The following DENND4A variants were observed in gnomAD, a reference collection of about 807,000 sequenced individuals.
DENND4A encodes the protein C-myc promoter-binding protein.
A neutral mutation model predicts 199.3 loss-of-function variants in DENND4A; 70 were observed. That is an observed-to-expected ratio of 0.35 (90% CI 0.29 to 0.43). The LOEUF is 0.43. Among genes scored for constraint, DENND4A ranks in the 20% least tolerant of loss-of-function variants. The probability of loss-of-function intolerance (pLI) is 1.00; values close to 1 mark genes in which losing one functional copy is unlikely to be tolerated. For synonymous variants in DENND4A, 686 were observed against 766.9 expected, an observed-to-expected ratio of 0.89 and a Z score of 1.74; for missense variants, 1,723 against 2,255.8, an observed-to-expected ratio of 0.76 and a Z score of 4.78.
intron 15 of DENND4A, among the ~76,000 whole-genome samples, chr15:65,703,540 T>TGGGTTCA (rs937508579): frequency 1.3e-5 from 2 of 152,206 alleles, no homozygotes; most frequent in African/African-American, 4.8e-5. Flanking sequence ...GGTTAGCTAG[T>TGGGTTCA]GGGTTCAGGG....
At position 65,671,874 on chromosome 15, in the gene DENND4A, T is replaced by G. The variant is rs1566987950; in HGVS notation, c.4382A>C (p.Lys1461Thr). ...TTCTGATTTCCCAGGTAAGGCAAAC[T>G]TCGACAGAGATCCTGTTCATTAGTG... ...SSASLEGSLS[K>T]FALPGKSEVT... Residue 1461 changes from lysine to threonine, a missense_variant, in exon 25 of 33, where the codon AAG (lysine) becomes ACG (threonine). This residue lies in a region of DENND4A where 650 missense variants were observed against 738.1 expected (regional missense o/e 0.88). Coordinates refer to ENST00000443035, the MANE Select transcript of DENND4A (RefSeq NM_001320835.1). 1.2e-6 allele frequency: 2 copies of G among 1,603,464 alleles called. No individual in the cohort carries two copies. Among genetic ancestry groups the G allele is most frequent in the Non-Finnish European group, 1.7e-6 (2 of 1,170,380 alleles).
chr15:65,663,729 A>G (rs1052148706), intron 32 of DENND4A, among the ~76,000 whole-genome samples: 1 of 151,996 alleles, frequency 6.6e-6, no homozygotes, highest in Non-Finnish European at 1.5e-5. Flanking sequence ...GGCTCACTGC[A>G]GCCTCGACTG....
chr15:65,674,142 G>A (rs146259870), intron 24 of DENND4A, among the ~76,000 whole-genome samples: 2 of 152,072 alleles, frequency 1.3e-5, no homozygotes, highest in East Asian at 3.9e-4. Context: ...GGACCCCAAT[G>A]TGAAAAAACC....
intron 23 of DENND4A, among the ~76,000 whole-genome samples, chr15:65,679,593 C>A (rs2141967056): frequency 6.6e-6 from 1 of 151,852 alleles, no homozygotes; most frequent in African/African-American, 2.4e-5. Context: ...GACAGTGGCA[C>A]AATCACGGCT....
chr15:65,670,161 T>C lies in DENND4A; in HGVS notation c.4492A>G (p.Arg1498Gly). The C allele has an allele frequency of 6.4e-7, 1 of 1,553,582 alleles. No homozygotes were observed. Among genetic ancestry groups the C allele is most frequent in the Non-Finnish European group, 8.7e-7 (1 of 1,149,852 alleles). Residue 1498 changes from arginine (R) to glycine (G), a missense_variant, in exon 26 of 33, where the codon AGA becomes GGA. Coordinates refer to ENST00000443035, the MANE Select transcript of DENND4A (RefSeq NM_001320835.1). ...TCATGGACAAGACAATCACAAGTTCTACACCGAGAGCAACTTGAGATGAGA... is the reference window on the plus strand; with the variant it reads ...TCATGGACAAGACAATCACAAGTTCCACACCGAGAGCAACTTGAGATGAGA... ...EVLISSCSRC[R>G]TCDCLVHDEE...
intron 24 of DENND4A, among the ~76,000 whole-genome samples, chr15:65,672,784 C>T (rs1223339683): frequency 6.6e-6 from 1 of 151,994 alleles, no homozygotes; most frequent in Admixed American, 6.6e-5. Flanking sequence ...TGTATCTTGT[C>T]AGTAAAACTG....
At chr15:65,742,135 C>T (rs2076275921) in intron 4 of DENND4A, among the ~76,000 whole-genome samples, 1 of 152,178 alleles carries the variant, frequency 6.6e-6, no homozygotes. Flanking sequence ...TTTGACTCCA[C>T]AATCTGTTTC....
At position 65,731,698 on chromosome 15, in the gene DENND4A, T is replaced by C. The variant is rs1427384896; in HGVS notation, c.1110A>G (p.Leu370=). 1 of 1,551,698 alleles carries C rather than the reference T, an allele frequency of 6.4e-7. No homozygotes were observed. The highest frequency in any genetic ancestry group is 8.7e-7 in the Non-Finnish European group (1 of 1,146,542). ...TGAGAATCAGATTATCATGTGGTGA[T>C]AACTGGAAGAAGATTTAAAATAAAG... The part of the protein sequence containing the change: ...SPQRPRILVQ[L]SPHDNLILSQ... Residue 370 remains leucine (L), a splice_region_variant and synonymous_variant, in exon 9 of 33, where the codon TTA becomes TTG. Transcript: ENST00000443035.
chr15:65,686,467 C>T (rs1205425219), intron 23 of DENND4A, among the ~76,000 whole-genome samples: 1 of 152,206 alleles, frequency 6.6e-6, no homozygotes, highest in Non-Finnish European at 1.5e-5. Context: ...AGATTTAGAA[C>T]TCCCCTTAAT....
At chr15:65,781,214 G>A (rs74021828) in intron 1 of DENND4A, among the ~76,000 whole-genome samples, 140 of 152,252 alleles carry the variant, frequency 9.2e-4, no homozygotes, top group African/African-American at 3.3e-3. Context: ...GAGTTGGAGT[G>A]GAAAGTAGAA....
intron 4 of DENND4A, among the ~76,000 whole-genome samples, chr15:65,746,380 T>C (rs1490603751): frequency 6.3e-5 from 7 of 111,552 alleles, no homozygotes; most frequent in East Asian, 2.6e-4. Flanking sequence ...TTTTTTTTTT[T>C]TTTTTTTTTT....
At chr15:65,772,024 G>A in intron 1 of DENND4A, 1 of 1,406,166 alleles carries the variant, frequency 7.1e-7, no homozygotes, top group Admixed American at 1.8e-5. Flanking sequence ...GCCAAGGGCA[G>A]TGGGTAGAGC....
intron 1 of DENND4A, among the ~76,000 whole-genome samples, chr15:65,788,938 G>A (rs1046870748): frequency 1.3e-5 from 2 of 149,764 alleles, no homozygotes; most frequent in African/African-American, 4.9e-5. Context: ...CCCATAATCC[G>A]ATCACCCAGG....
Position 65,690,797 on chromosome 15 carries a change from C to A in DENND4A, c.3797G>T (p.Arg1266Leu), listed in dbSNP as rs150881572. ...CCGTTGTAAATCAATGCTTGGTGTACGACTTGTCAAAGGACTGCTCATGTT... is the reference window on the plus strand; with the variant it reads ...CCGTTGTAAATCAATGCTTGGTGTAAGACTTGTCAAAGGACTGCTCATGTT... ...MNNMSSPLTS[R>L]TPSIDLQRAC... The change falls in exon 23 of 33, where the codon CGT (arginine) becomes CTT (leucine). Residue 1266 changes from arginine (R) to leucine (L), a missense_variant. Physicochemically the swap from Arg to Leu is moderately radical, Grantham distance 102. Transcript: ENST00000443035. 4.3e-6 allele frequency: 7 copies of A among 1,613,358 alleles called. No individual in the cohort carries two copies. Among genetic ancestry groups the A allele is most frequent in the Non-Finnish European group, 5.9e-6 (7 of 1,179,726 alleles).
Position 65,701,194 on chromosome 15 carries a change from TATTC to T in DENND4A, c.2560-6_2560-3del. 6 of 1,563,406 alleles carry T rather than the reference TATTC, an allele frequency of 3.8e-6. No individual in the cohort carries two copies. The highest frequency in any genetic ancestry group is 5.2e-6 in the Non-Finnish European group (6 of 1,162,244). On this transcript the variant is annotated splice_region_variant and splice_polypyrimidine_tract_variant and intron_variant, in intron 18 of 32. Coordinates refer to ENST00000443035, the MANE Select transcript of DENND4A (RefSeq NM_001320835.1). ...AGGCCAGGTACTTTCCAAAACAGCC[TATTC>T]ATTCAACAAAATAAAATAATTAGTA...
intron 1 of DENND4A, among the ~76,000 whole-genome samples, chr15:65,779,489 A>AGTTT (rs1026366398): frequency 4.7e-5 from 7 of 150,288 alleles, no homozygotes; most frequent in East Asian, 2.0e-4. Context: ...GCTGTTTTTT[A>AGTTT]GTTTGTTTGT....
In DENND4A at chr15:65,669,771, A is replaced by C. The variant is rs763902936; in HGVS notation, c.4787+8T>G. 3 of 1,600,090 alleles carry C rather than the reference A, an allele frequency of 1.9e-6. No individual in the cohort carries two copies. The highest frequency in any genetic ancestry group is 1.7e-5 in the Admixed American group (1 of 58,910). ...TGTTAAAATATAGTTCCACATAATC[A>C]TAATTACCTATTTAGATCAAAATTC... is the stretch of plus-strand genomic sequence containing the variant. On this transcript the variant is annotated splice_region_variant and intron_variant, in intron 27 of 32. Coordinates refer to ENST00000443035, the MANE Select transcript of DENND4A (RefSeq NM_001320835.1).
intron 21 of DENND4A, chr15:65,697,047 G>C (rs1470440592): frequency 6.9e-6 from 3 of 435,564 alleles, no homozygotes; most frequent in Non-Finnish European, 1.2e-5. Flanking sequence ...TCATTCTAAT[G>C]GTATTTGATT....
chr15:65,751,745 T>C (rs1300001713), intron 4 of DENND4A, among the ~76,000 whole-genome samples: 1 of 152,148 alleles, frequency 6.6e-6, no homozygotes, highest in South Asian at 2.1e-4. Context: ...AGAAACCTGC[T>C]GAAAAATTAA....
Sources: allele counts gnomAD v4.1 joint callset (sites outside exome capture counted in the v4.1 genomes callset), GRCh38; gene constraint gnomAD v4.1.1; regional missense constraint gnomAD v4.1.1; transcripts MANE v1.5; gene names NCBI Gene and HGNC (gene_info 2026-07-23, HGNC 2026-07-21).